The following CLIP4 variants were observed in gnomAD, a reference collection of about 807,000 sequenced individuals.
The protein encoded by CLIP4 is CAP-Gly domain-containing linker protein 4.
In CLIP4, 47 loss-of-function variants were observed where a neutral mutation model predicts 73.1. That is an observed-to-expected ratio of 0.64 (90% CI 0.51 to 0.82). The LOEUF is 0.82. Ranked by LOEUF, CLIP4 falls within the 40% of genes least tolerant of loss-of-function variation. The pLI is 0.00. For synonymous variants in CLIP4, 306 were observed against 295.4 expected, an observed-to-expected ratio of 1.04 and a Z score of -0.37; for missense variants, 874 against 852.9, an observed-to-expected ratio of 1.02 and a Z score of -0.31.
chr2:29,163,964 T>A lies in CLIP4; in HGVS notation c.1658+10T>A. 6.2e-7 allele frequency: 1 copy of A among 1,607,134 alleles called. No individual in the cohort carries two copies. The highest frequency in any genetic ancestry group is 1.7e-5 in the Admixed American group (1 of 58,402). ...CATCCAGGGTGCAAAGGTGAGAGAATGAAATTTATGTTTATTTACAGAAAC... is the reference window on the plus strand; with the variant it reads ...CATCCAGGGTGCAAAGGTGAGAGAAAGAAATTTATGTTTATTTACAGAAAC... On this transcript the variant is annotated intron_variant, in intron 13 of 15. Coordinates refer to ENST00000320081, the MANE Select transcript of CLIP4 (RefSeq NM_024692.6).
intron 1 of CLIP4, among the ~76,000 whole-genome samples, chr2:29,109,644 T>A (rs1668332172): frequency 6.6e-6 from 1 of 152,176 alleles, no homozygotes; most frequent in African/African-American, 2.4e-5. Context: ...AGACTTTGCA[T>A]CATGTGGTGT....
intron 11 of CLIP4, among the ~76,000 whole-genome samples, chr2:29,158,434 A>G (rs986524979): frequency 3.3e-5 from 5 of 152,196 alleles, no homozygotes; most frequent in Admixed American, 6.5e-5. Context: ...CATTTAAAAA[A>G]ATAAATTTGA....
rs369185328 is a variant in CLIP4, at chr2:29,105,612, C to T, written c.-16+7665C>T. On this transcript the variant is annotated intron_variant, in intron 1 of 14. Coordinates refer to the CLIP4 transcript ENST00000401605. ...GACTTTGCAGCTCATCTCCTACCAGCGTCTTACCATGGGTCTGCTCCAGCT... is the reference window on the plus strand; with the variant it reads ...GACTTTGCAGCTCATCTCCTACCAGTGTCTTACCATGGGTCTGCTCCAGCT... 2.6e-5 allele frequency among the ~76,000 whole-genome samples: 4 copies of T among 152,180 alleles called. No individual in the cohort carries two copies. The East Asian group carries it at 5.8e-4, about 22-fold the overall frequency.
intron 13 of CLIP4, 139 bp from the exon 14 acceptor site, chr2:29,167,337 C>A: frequency 2.1e-6 from 1 of 469,762 alleles, no homozygotes; most frequent in South Asian, 6.0e-5. Flanking sequence ...GATGGAAGTT[C>A]ATTCCTGGCT....
At chr2:29,149,424 T>TA (rs1491284465) in intron 8 of CLIP4, among the ~76,000 whole-genome samples, 1 of 150,894 alleles carries the variant, frequency 6.6e-6, no homozygotes, top group Non-Finnish European at 1.5e-5. Flanking sequence ...TTTTTTTTTT[T>TA]CTTTAGAGTT....
At chr2:29,140,785 G>A (rs1665711196) in intron 6 of CLIP4, among the ~76,000 whole-genome samples, 1 of 152,210 alleles carries the variant, frequency 6.6e-6, no homozygotes, top group African/African-American at 2.4e-5. Flanking sequence ...ACAGGTGTGA[G>A]ATGGTATCTC....
At chr2:29,107,547 T>G in intron 1 of CLIP4, among the ~76,000 whole-genome samples, 1 of 151,114 alleles carries the variant, frequency 6.6e-6, no homozygotes, top group Non-Finnish European at 1.5e-5. Context: ...AATTTTTTTG[T>G]ATTTTTTTAG....
chr2:29,136,185 G>T (rs1010990476), intron 6 of CLIP4, among the ~76,000 whole-genome samples: 24 of 146,274 alleles, frequency 1.6e-4, no homozygotes, highest in African/African-American at 6.1e-4. Context: ...ATTTGTTGTT[G>T]TTGTTTTTTT....
At chr2:29,167,802 G>T in intron 14 of CLIP4, 1 of 306,378 alleles carries the variant, frequency 3.3e-6, no homozygotes, top group Middle Eastern at 9.0e-4. Flanking sequence ...GTCTTGAATT[G>T]TACATTAATT....
Position 29,131,289 on chromosome 2 carries a change from A to G in CLIP4, c.165A>G (p.Ser55=). ...CTTTCTTTGATCCTAATGATGCATC[A>G]TGCCAGGAAATTCTTTTTGATCCCA... ...EFSFFDPNDA[S]CQEILFDPKT... is the part of the protein sequence containing the mutation. Residue 55 remains serine (S), a synonymous_variant, in exon 3 of 16, where the codon TCA becomes TCG. Transcript: ENST00000320081. 2 of 1,608,282 alleles carry G rather than the reference A, an allele frequency of 1.2e-6. No homozygotes were observed. The highest frequency in any genetic ancestry group is 1.7e-6 in the Non-Finnish European group (2 of 1,177,940).
chr2:29,156,737 A>T (rs925963075), intron 10 of CLIP4, among the ~76,000 whole-genome samples: 4 of 152,182 alleles, frequency 2.6e-5, no homozygotes, highest in Non-Finnish European at 5.9e-5. Context: ...CAAATGTTTC[A>T]TTTGCCTTTA....
chr2:29,160,326 T>TA lies in CLIP4; in HGVS notation c.1400-4dup. ...CCTGCCCCTGTATCCCTCCCTGACT[T>TA]AAACAGGTTTGAATTCCTCAGCAAC... On this transcript the variant is annotated splice_polypyrimidine_tract_variant and splice_region_variant and intron_variant, in intron 11 of 15. Transcript: ENST00000320081. The TA allele has an allele frequency of 6.2e-7, 1 of 1,614,094 alleles. No homozygotes were observed. Among genetic ancestry groups the TA allele is most frequent in the Non-Finnish European group, 8.5e-7 (1 of 1,179,972 alleles).
intron 1 of CLIP4, among the ~76,000 whole-genome samples, chr2:29,117,370 G>A (rs1230538378): frequency 2.1e-5 from 3 of 142,668 alleles, no homozygotes; most frequent in African/African-American, 5.3e-5. Context: ...ACGGAGTCTC[G>A]CTCTGCTCTG....
At position 29,115,972 on chromosome 2, in the gene CLIP4, T is replaced by G. The variant is rs371865040; in HGVS notation, c.-16+307T>G. Among the ~76,000 whole-genome samples the G allele has an allele frequency of 0.015, 2,247 of 152,224 alleles. 55 individuals are homozygous for G. The highest frequency in any genetic ancestry group is 0.051 in the African/African-American group (2,122 of 41,548). The stretch of plus-strand genomic sequence containing the variant: ...GGTGTGCGGGACCCGGCGGCGGAGC[T>G]GGGCTCTGGGCCACGACCGCCAGCC... On this transcript the variant is annotated intron_variant, in intron 1 of 15. Coordinates refer to ENST00000320081, the MANE Select transcript of CLIP4 (RefSeq NM_024692.6). The surrounding 1 kb of genome is among the most constrained non-coding windows in gnomAD (Gnocchi z 5.1).
chr2:29,177,551 AG>A (rs1345848210), intron 15 of CLIP4, among the ~76,000 whole-genome samples: 1 of 152,028 alleles, frequency 6.6e-6, no homozygotes, highest in South Asian at 2.1e-4. Flanking sequence ...ACTGCATTCC[AG>A]CCTGGGTGAC....
chr2:29,099,927 TTC>T (rs754189856), intron 1 of CLIP4, among the ~76,000 whole-genome samples: 3 of 152,208 alleles, frequency 2.0e-5, no homozygotes, highest in East Asian at 1.9e-4. Context: ...ACATAACTCT[TTC>T]TCTCTCTCTT....
chr2:29,175,101 G>A (rs10173280), intron 15 of CLIP4, among the ~76,000 whole-genome samples: 5,535 of 152,172 alleles, frequency 0.036, 310 homozygotes, highest in African/African-American at 0.13. Context: ...GGAAGTACAC[G>A]TGCTTGTTTA....
intron 1 of CLIP4, among the ~76,000 whole-genome samples, chr2:29,102,275 A>G (rs1255751055): frequency 2.6e-5 from 4 of 152,284 alleles, no homozygotes; most frequent in Non-Finnish European, 4.4e-5. Flanking sequence ...CTAGATTTAC[A>G]TGGAATTGCT....
At chr2:29,170,798 A>AT (rs919675377) in intron 14 of CLIP4, among the ~76,000 whole-genome samples, 81 of 148,064 alleles carry the variant, frequency 5.5e-4, no homozygotes, top group East Asian at 3.1e-3. Flanking sequence ...CTGTGTCTAG[A>AT]TTTTTTTTTT....
Sources: gnomAD v4.1 joint callset for allele counts (sites outside exome capture counted in the v4.1 genomes callset) on GRCh38, gnomAD v4.1.1 for gene constraint, Gnocchi (gnomAD v3.1) non-coding constraint, MANE v1.5 for transcripts, NCBI Gene and HGNC (gene_info 2026-07-23, HGNC 2026-07-21) for gene names.